Variants in VAV1 observed in about 807,000 individuals in gnomAD.
VAV1 encodes the protein proto-oncogene vav.
In VAV1, 33 loss-of-function variants were observed where a neutral mutation model predicts 128.1. The ratio of observed to expected loss-of-function variants is 0.26; its 90% CI spans 0.20 to 0.34. The LOEUF (loss-of-function observed/expected upper bound fraction) is 0.34. Among genes scored for constraint, VAV1 ranks in the 10% least tolerant of loss-of-function variants. VAV1 has a pLI of 1.00. For missense variants in VAV1, 715 were observed against 1,093.7 expected, an observed-to-expected ratio of 0.65 and a Z score of 4.88; for synonymous variants, 394 against 409.8, an observed-to-expected ratio of 0.96 and a Z score of 0.47.
Position 6,828,288 on chromosome 19 carries a change from T to TGGGGTCATGTCTCAGCCTCC in VAV1, c.1023+118_1024-111dup. Reference sequence around the variant, plus strand: ...TCTAGGACGCTCGGGGATGGGTCACTGGGGTCATGTCTCAGCCTCCAGGGT... The same window carrying TGGGGTCATGTCTCAGCCTCC: ...TCTAGGACGCTCGGGGATGGGTCACTGGGGTCATGTCTCAGCCTCCGGGGTCATGTCTCAGCCTCCAGGGT... On this transcript the variant is annotated intron_variant, in intron 10 of 26. Transcript: ENST00000602142. This position sits in a 1 kb window ranked among gnomAD's most constrained non-coding sequence, Gnocchi z 4.5. 6.6e-7 allele frequency: 1 copy of TGGGGTCATGTCTCAGCCTCC among 1,507,466 alleles called. No homozygotes were observed. Among genetic ancestry groups the TGGGGTCATGTCTCAGCCTCC allele is most frequent in the Non-Finnish European group, 9.1e-7 (1 of 1,097,128 alleles). 93.4% of individuals were successfully genotyped at this position (1,507,466 alleles called of 1,614,324 possible).
intron 22 of VAV1, among the ~76,000 whole-genome samples, chr19:6,846,596 A>G (rs1389703775): frequency 6.7e-6 from 1 of 149,524 alleles, no homozygotes; most frequent in Admixed American, 6.7e-5. Context: ...TATGTATTAC[A>G]TATAATTAGT....
At chr19:6,780,284 G>A (rs951009194) in intron 1 of VAV1, among the ~76,000 whole-genome samples, 3 of 150,144 alleles carry the variant, frequency 2.0e-5, no homozygotes, top group Non-Finnish European at 4.5e-5. Flanking sequence ...CAGCATCATT[G>A]TGGGGGATAA....
Position 6,826,773 on chromosome 19 carries a change from G to A in VAV1, c.927+62G>A. The stretch of plus-strand genomic sequence containing the variant: ...TCCTCCCCAGGCCCTGGGGGCAGCA[G>A]GGAGGACACTGAGTTGCAGATGGTC... On this transcript the variant is annotated intron_variant, in intron 9 of 26. Coordinates refer to ENST00000602142, the MANE Select transcript of VAV1 (RefSeq NM_005428.4). This position sits in a 1 kb window ranked among gnomAD's most constrained non-coding sequence, Gnocchi z 4.1. 7.5e-7 allele frequency: 1 copy of A among 1,334,876 alleles called. No homozygotes were observed. The highest frequency in any genetic ancestry group is 1.0e-6 in the Non-Finnish European group (1 of 964,318). The allele number at this position is 1,334,876 out of a possible 1,614,324, so 82.7% of individuals were successfully genotyped here. A position where few individuals can be genotyped will look rare whatever the true frequency, so the allele number is the denominator to read the frequency against.
In VAV1 at chr19:6,792,736, T is replaced by G. The variant is rs1159584504; in HGVS notation, c.204+19725T>G. The stretch of plus-strand genomic sequence containing the variant: ...TGCATGGTTCTTAACTAAGGGGTGG[T>G]GTGGGGCAGCAGTGGGGGCGAGGGG... On this transcript the variant is annotated intron_variant, in intron 1 of 26. Transcript: ENST00000602142. Among the ~76,000 whole-genome samples the G allele has an allele frequency of 4.0e-5, 6 of 149,192 alleles. No individual in the cohort carries two copies. In the East Asian group the frequency reaches 1.2e-3, roughly 30 times the overall value.
At chr19:6,801,688 C>T (rs954999770) in intron 1 of VAV1, among the ~76,000 whole-genome samples, 4 of 152,004 alleles carry the variant, frequency 2.6e-5, no homozygotes, top group African/African-American at 9.7e-5. Context: ...CCGGCCGGCT[C>T]CCTGGTGCTG....
chr19:6,827,043 C>T (rs1599660360), intron 9 of VAV1: 1 of 314,094 alleles, frequency 3.2e-6, no homozygotes, highest in South Asian at 4.5e-5. Context: ...CTCACTGAAC[C>T]CCAATTCCAA....
Position 6,828,725 on chromosome 19 carries a change from G to C in VAV1, c.1179+17G>C. ...GAGAACCTGGTGAGGCGGTGGAGCC[G>C]GGTGGGCCAGGGGTGTGGCCACGTG... On this transcript the variant is annotated intron_variant, in intron 12 of 26. Transcript: ENST00000602142. This position sits in a 1 kb window ranked among gnomAD's most constrained non-coding sequence, Gnocchi z 4.5. 2 of 1,614,004 alleles carry C rather than the reference G, an allele frequency of 1.2e-6. No homozygotes were observed. Among genetic ancestry groups the C allele is most frequent in the Non-Finnish European group, 1.7e-6 (2 of 1,179,968 alleles).
intron 1 of VAV1, among the ~76,000 whole-genome samples, chr19:6,812,395 C>A (rs989102484): frequency 6.6e-6 from 1 of 152,158 alleles, no homozygotes; most frequent in Non-Finnish European, 1.5e-5. Context: ...TGGTTCACAC[C>A]TGTGATCCCA....
intron 1 of VAV1, among the ~76,000 whole-genome samples, chr19:6,788,437 A>G (rs1343943033): frequency 6.6e-6 from 1 of 151,284 alleles, no homozygotes; most frequent in African/African-American, 2.4e-5. Context: ...CAGTGGCACA[A>G]TCTCGGCTCA....
intron 26 of VAV1, among the ~76,000 whole-genome samples, chr19:6,854,795 T>C (rs1307129757): frequency 6.6e-6 from 1 of 152,134 alleles, no homozygotes; most frequent in Non-Finnish European, 1.5e-5. Context: ...TGACCCACCC[T>C]AGGAGTGGAT....
rs972246628 is a variant in VAV1 at position 6,778,341 on chromosome 19, A to G, written c.204+5330A>G. Among the ~76,000 whole-genome samples the G allele has an allele frequency of 4.6e-5, 7 of 152,310 alleles. 1 individual carries two copies. The highest frequency in any genetic ancestry group is 4.1e-4 in the South Asian group (2 of 4,832). On this transcript the variant is annotated intron_variant, in intron 1 of 26. Coordinates refer to ENST00000602142, the MANE Select transcript of VAV1 (RefSeq NM_005428.4). ...GATGGTTGGAAAGATCCACCAGGAC[A>G]TGGGAGCTGGTTAGACCTAGGATGT... is the stretch of plus-strand genomic sequence containing the variant.
chr19:6,802,559 C>T (rs1389453726), intron 1 of VAV1, among the ~76,000 whole-genome samples: 4 of 152,058 alleles, frequency 2.6e-5, no homozygotes, highest in Admixed American at 6.6e-5. Flanking sequence ...GAAGCTGTCT[C>T]CGGGTTCAGC....
chr19:6,856,580 C>G (rs1451557464), intron 26 of VAV1, among the ~76,000 whole-genome samples: 3 of 150,320 alleles, frequency 2.0e-5, no homozygotes, highest in African/African-American at 7.3e-5. Context: ...AAAAATTAGC[C>G]GGGTGTGGTG....
At chr19:6,850,242 T>G (rs1267041055) in intron 23 of VAV1, among the ~76,000 whole-genome samples, 12 of 132,518 alleles carry the variant, frequency 9.1e-5, no homozygotes, top group African/African-American at 3.3e-4. Context: ...TTTTTTTTTT[T>G]TTTGTGATCT....
At chr19:6,780,566 CTTTTTTCTTTTTTTTT>C (rs1012210068) in intron 1 of VAV1, among the ~76,000 whole-genome samples, 14 of 140,768 alleles carry the variant, frequency 9.9e-5, no homozygotes, top group African/African-American at 3.8e-4. Flanking sequence ...CCTTTTCTTT[CTTTTTTCTTTTTTTTT>C]TTTTTTTGGG....
intron 1 of VAV1, among the ~76,000 whole-genome samples, chr19:6,795,581 T>C (rs1189574946): frequency 6.6e-6 from 1 of 152,162 alleles, no homozygotes; most frequent in Admixed American, 6.6e-5. Flanking sequence ...GTCTGAGAAC[T>C]GATGATACGT....
rs1004427563 is a variant in VAV1, at chr19:6,829,938, A to G, written c.1398+20A>G. ...AAGAAGGTGGGGCTTTGACGCCGGA[A>G]CTATGGGGTCCTCCACGCAGTCGGC... On this transcript the variant is annotated intron_variant, in intron 14 of 26. Transcript: ENST00000602142. The G allele has an allele frequency of 4.3e-6, 7 of 1,613,772 alleles. No homozygotes were observed. The highest frequency in any genetic ancestry group is 5.9e-6 in the Non-Finnish European group (7 of 1,179,974).
intron 21 of VAV1, among the ~76,000 whole-genome samples, chr19:6,839,339 G>A (rs1447369345): frequency 1.3e-5 from 2 of 151,800 alleles, no homozygotes; most frequent in Non-Finnish European, 2.9e-5. Flanking sequence ...AAAAATTGAG[G>A]TGAAATTTGC....
In VAV1 at chr19:6,822,436, T is replaced by C; in HGVS notation, c.576T>C (p.Tyr192=). ...PVSMPPKMTE[Y]DKRCCCLREI... ...GCTCTCAGCCCAAGATGACAGAGTA[T>C]GACAAGCGCTGCTGCTGCCTGCGGG... Residue 192 remains tyrosine (Y), a synonymous_variant, in exon 6 of 27, where the codon TAT becomes TAC. Coordinates refer to ENST00000602142, the MANE Select transcript of VAV1 (RefSeq NM_005428.4). This position sits in a 1 kb window ranked among gnomAD's most constrained non-coding sequence, Gnocchi z 5.9. The C allele has an allele frequency of 6.4e-7, 1 of 1,562,548 alleles. No individual in the cohort carries two copies. Among genetic ancestry groups the C allele is most frequent in the Non-Finnish European group, 8.7e-7 (1 of 1,155,474 alleles).
Sources: gnomAD v4.1 joint callset for allele counts (sites outside exome capture counted in the v4.1 genomes callset) on GRCh38, gnomAD v4.1.1 for gene constraint, Gnocchi (gnomAD v3.1) non-coding constraint, MANE v1.5 for transcripts, NCBI Gene and HGNC (gene_info 2026-07-23, HGNC 2026-07-21) for gene names.